The following UBAP2 variants were observed in gnomAD, a reference collection of about 807,000 sequenced individuals.
UBAP2 encodes ubiquitin associated protein 2.
UBAP2 carries 75 observed loss-of-function variants against 139.6 expected under a neutral mutation model. That is an observed-to-expected ratio of 0.54 (90% confidence interval 0.45 to 0.65). The LOEUF (loss-of-function observed/expected upper bound fraction) is 0.65. Ranked by LOEUF, UBAP2 falls within the 30% of genes least tolerant of loss-of-function variation. The probability of loss-of-function intolerance (pLI) is 0.00; values close to 1 mark genes in which losing one functional copy is unlikely to be tolerated. For missense variants in UBAP2, 1,368 were observed against 1,369.6 expected (o/e 1.00, Z 0.02); for synonymous variants, 526 against 526.2 (o/e 1.00, Z 0.01).
rs1418279697 is a variant in UBAP2 at position 33,927,973 on chromosome 9, G to A, written c.2195C>T (p.Ala732Val). 1.2e-6 allele frequency: 2 copies of A among 1,613,358 alleles called. No homozygotes were observed. Among genetic ancestry groups the A allele is most frequent in the Non-Finnish European group, 1.7e-6 (2 of 1,179,578 alleles). The change falls in exon 20 of 29, where the codon GCC (alanine) becomes GTC (valine). Residue 732 changes from alanine (A) to valine (V), a missense_variant. By Grantham distance (64) the Ala-to-Val change is moderately conservative. Coordinates refer to ENST00000379238, the MANE Select transcript of UBAP2 (RefSeq NM_001370062.2). The part of the protein sequence containing the change: ...TSHTHASVES[A>V]SSHQSSATFS... ...GGTGGCTGAGGACTGGTGGGAAGAG[G>A]CGCTCTCCACACTGGCATGCTGGCA... is the stretch of plus-strand genomic sequence containing the variant.
At chr9:33,948,219 A>G (rs549504141) in intron 13 of UBAP2, among the ~76,000 whole-genome samples, 155 bp downstream of exon 13, 2 of 152,342 alleles carry the variant, frequency 1.3e-5, no homozygotes, top group Non-Finnish European at 2.9e-5. Flanking sequence ...GTATTGTATA[A>G]CAAAGGAAGA....
Position 33,954,232 on chromosome 9 carries a change from T to G in UBAP2, c.867-758A>C, listed in dbSNP as rs1286976365. ...AAGTTTCATATTTATCTTAAATTTTTACATTCTATCCCATAATACATTTAA... is the reference window on the plus strand; with the variant it reads ...AAGTTTCATATTTATCTTAAATTTTGACATTCTATCCCATAATACATTTAA... On this transcript the variant is annotated intron_variant, in intron 11 of 28. Transcript: ENST00000379238. Among the ~76,000 whole-genome samples the G allele has an allele frequency of 5.4e-5, 8 of 146,892 alleles. No homozygotes were observed. The Admixed American group carries it at 5.5e-4, about 10-fold the overall frequency.
intron 6 of UBAP2, among the ~76,000 whole-genome samples, chr9:33,983,915 G>A (rs1820979392): frequency 6.6e-6 from 1 of 152,070 alleles, no homozygotes; most frequent in Admixed American, 6.6e-5. Context: ...CTGAATCCCT[G>A]GGATTTTTTT....
At chr9:33,965,353 T>C (rs1046597706) in intron 8 of UBAP2, among the ~76,000 whole-genome samples, 3 of 152,234 alleles carry the variant, frequency 2.0e-5, no homozygotes, top group Admixed American at 6.5e-5. Flanking sequence ...ATATAAGTCC[T>C]TATCAAATAT....
chr9:33,973,681 ACAAG>A (rs1484304190), intron 6 of UBAP2, among the ~76,000 whole-genome samples: 1 of 152,220 alleles, frequency 6.6e-6, no homozygotes, highest in Non-Finnish European at 1.5e-5. Flanking sequence ...AAGCATGAGA[ACAAG>A]CAAGCAAGAA....
intron 19 of UBAP2, among the ~76,000 whole-genome samples, chr9:33,929,437 T>G (rs2130871077): frequency 6.6e-6 from 1 of 152,238 alleles, no homozygotes; most frequent in South Asian, 2.1e-4. Context: ...AAGGCTTCGC[T>G]CAGTCCATCC....
chr9:33,926,026 G>A (rs1034091896), intron 22 of UBAP2, among the ~76,000 whole-genome samples: 4 of 152,180 alleles, frequency 2.6e-5, no homozygotes, highest in African/African-American at 7.2e-5. Context: ...TGGCACCAAC[G>A]GTCAGAAGAA....
Position 33,923,232 on chromosome 9 carries a change from T to TC in UBAP2, c.2957dup (p.Ser987IlefsTer28), listed in dbSNP as rs1456123335. The TC allele has an allele frequency of 6.2e-7, 1 of 1,614,098 alleles. No homozygotes were observed. Among genetic ancestry groups the TC allele is most frequent in the African/African-American group, 1.3e-5 (1 of 74,934 alleles). On this transcript the variant is annotated frameshift_variant, in exon 26 of 29. Coordinates refer to ENST00000379238, the MANE Select transcript of UBAP2 (RefSeq NM_001370062.2). LOFTEE classifies it high-confidence loss of function. ...CAGACTTGTTTGGTGCCTGCGATGA[T>TC]CCAGCATAGCCACCTTTGGAGTAGT...
chr9:33,961,870 T>A (rs539731726), intron 9 of UBAP2, among the ~76,000 whole-genome samples: 51 of 152,318 alleles, frequency 3.3e-4, no homozygotes, highest in Non-Finnish European at 6.3e-4. Flanking sequence ...AAAATGATGA[T>A]TGTTTCCTAG....
chr9:34,024,728 C>T (rs1466380880), intron 1 of UBAP2, among the ~76,000 whole-genome samples: 1 of 152,082 alleles, frequency 6.6e-6, no homozygotes, highest in Non-Finnish European at 1.5e-5. Flanking sequence ...TAATGCCTGT[C>T]ATCTCAGCAC....
Position 33,933,533 on chromosome 9 carries a change from G to A in UBAP2, c.2065C>T (p.His689Tyr). The A allele has an allele frequency of 1.2e-6, 2 of 1,614,018 alleles. No individual in the cohort carries two copies. Among genetic ancestry groups the A allele is most frequent in the African/African-American group, 1.3e-5 (1 of 75,040 alleles). The change falls in exon 18 of 29, where the codon CAC (histidine) becomes TAC (tyrosine). Residue 689 changes from histidine to tyrosine, a missense_variant. By Grantham distance (83) the His-to-Tyr change is moderately conservative. Transcript: ENST00000379238. ...GGGCTGCTAGTCAGGTCGCCAGTGT[G>A]CTGGGATGTGGACGGCAGAAGTGCA... ...CTALLPSTSQ[H>Y]TGDLTSSPLS... is the part of the protein sequence containing the mutation.
chr9:33,955,686 C>T (rs1453103754), intron 11 of UBAP2, among the ~76,000 whole-genome samples: 2 of 151,440 alleles, frequency 1.3e-5, no homozygotes, highest in Non-Finnish European at 2.9e-5. Flanking sequence ...ATTAGCTGGG[C>T]GTGGGGGCGC....
chr9:33,989,023 C>T lies in UBAP2; in HGVS notation c.392G>A (p.Gly131Glu), dbSNP rs895087555. 15 of 1,613,860 alleles carry T rather than the reference C, an allele frequency of 9.3e-6. 1 individual carries two copies. The highest frequency in any genetic ancestry group is 3.3e-5 in the Admixed American group (2 of 59,962). Residue 131 changes from glycine (G) to glutamate (E), a missense_variant, in exon 5 of 29, where the codon GGA becomes GAA. By Grantham distance (98) the Gly-to-Glu change is moderately conservative. Coordinates refer to ENST00000379238, the MANE Select transcript of UBAP2 (RefSeq NM_001370062.2). ...EKKSEKESSR[G>E]RGNNNRKGRG... is the part of the protein sequence containing the mutation. ...TCCTTTCCGGTTGTTGTTTCCACGT[C>T]CACGACTCGATTCTTTCTCGCTTTT...
chr9:33,983,974 C>A (rs1302883717), intron 6 of UBAP2, among the ~76,000 whole-genome samples: 2 of 151,702 alleles, frequency 1.3e-5, no homozygotes, highest in Non-Finnish European at 2.9e-5. Context: ...TGCAATGGTA[C>A]AATCTCGGCT....
chr9:33,982,391 G>A (rs1399942135), intron 6 of UBAP2, among the ~76,000 whole-genome samples: 1 of 152,090 alleles, frequency 6.6e-6, no homozygotes, highest in Non-Finnish European at 1.5e-5. Flanking sequence ...ATCCAGCAAG[G>A]CCAACTGATC....
intron 12 of UBAP2, 43 bp from the exon 13 acceptor site, chr9:33,948,630 A>T (rs774944705): frequency 1.3e-6 from 2 of 1,561,552 alleles, no homozygotes; most frequent in South Asian, 2.3e-5. Context: ...ACAATACAGA[A>T]TTTCTGCCCA....
chr9:34,024,001 G>A (rs543685821), intron 1 of UBAP2, among the ~76,000 whole-genome samples: 4 of 151,706 alleles, frequency 2.6e-5, no homozygotes, highest in Admixed American at 6.6e-5. Context: ...CCGAGATGGC[G>A]CCATTGCACT....
chr9:34,018,788 G>A lies in UBAP2; in HGVS notation c.-41-1599C>T, dbSNP rs565420600. ...TGAGGCAGGAGAATGGCGTGAACCC[G>A]GGAGGTGGAGCTTGCAGTGAGCTGA... On this transcript the variant is annotated intron_variant, in intron 1 of 28. Transcript: ENST00000379238. Among the ~76,000 whole-genome samples the A allele has an allele frequency of 4.6e-5, 7 of 152,200 alleles. No homozygotes were observed. The South Asian group carries it at 1.0e-3, about 23-fold the overall frequency.
intron 1 of UBAP2, among the ~76,000 whole-genome samples, chr9:34,022,435 T>C (rs975112364): frequency 1.6e-4 from 18 of 109,172 alleles, no homozygotes; most frequent in Admixed American, 1.6e-3. Context: ...CAAGACCCCT[T>C]TTTTTTTTTT....
Sources: allele counts gnomAD v4.1 joint callset (sites outside exome capture counted in the v4.1 genomes callset), GRCh38; gene constraint gnomAD v4.1.1; transcripts MANE v1.5; gene names NCBI Gene and HGNC (gene_info 2026-07-23, HGNC 2026-07-21).